TACC1: variants seen among roughly 807,000 people sequenced by gnomAD.
TACC1 encodes the protein transforming acidic coiled-coil-containing protein 1.
In TACC1, 48 loss-of-function variants were observed where a neutral mutation model predicts 84.4. The observed-to-expected ratio is 0.57, with a 90% CI of 0.45 to 0.72. The LOEUF (loss-of-function observed/expected upper bound fraction) is 0.72, where lower values mean the gene tolerates loss of function less well. TACC1 is among the 30% of genes least tolerant of loss of function. The pLI is 0.00. For missense variants in TACC1, 920 were observed against 973.0 expected, an observed-to-expected ratio of 0.95 and a Z score of 0.72; for synonymous variants, 372 against 376.3, an observed-to-expected ratio of 0.99 and a Z score of 0.13.
chr8:38,787,328 C>A lies in TACC1; in HGVS notation c.-255C>A. 1 of 1,263,248 alleles carries A rather than the reference C, an allele frequency of 7.9e-7. No homozygotes were observed. The highest frequency in any genetic ancestry group is 1.0e-6 in the Non-Finnish European group (1 of 1,004,272). The allele number at this position is 1,263,248 out of a possible 1,614,324, so 78.3% of individuals were successfully genotyped here. On this transcript the variant is annotated 5_prime_UTR_variant, in exon 1 of 13. Transcript: ENST00000317827. Reference sequence around the variant, plus strand: ...GGAGGCCACAGGACGGGCGTCTTCCCGGCTAGTGGAGCCCGGCGCGGGGCC... The same window carrying A: ...GGAGGCCACAGGACGGGCGTCTTCCAGGCTAGTGGAGCCCGGCGCGGGGCC...
intron 3 of TACC1, among the ~76,000 whole-genome samples, chr8:38,779,607 C>T (rs570263470): frequency 6.6e-6 from 1 of 152,190 alleles, no homozygotes; most frequent in Non-Finnish European, 1.5e-5. Context: ...CTTTCAGATT[C>T]GAAAATCAAT....
At position 38,852,069 on chromosome 8, in the gene TACC1, C is replaced by T. The variant is rs143414897; in HGVS notation, c.*4046C>T. 113 of 409,870 alleles carry T rather than the reference C, an allele frequency of 2.8e-4. 1 individual carries two copies. Among genetic ancestry groups the T allele is most frequent in the African/African-American group, 2.0e-3 (95 of 48,674 alleles). The allele number at this position is 409,870 out of a possible 1,614,324, so 25.4% of individuals were successfully genotyped here. On this transcript the variant is annotated 3_prime_UTR_variant, in exon 13 of 13. Coordinates refer to ENST00000317827, the MANE Select transcript of TACC1 (RefSeq NM_006283.3). ...GATCTCCTCTGGAAGAGACTATCAG[C>T]GGCAGCATTCTCCAGGGAAGACCCA...
chr8:38,766,748 C>T (rs1812328568), intron 3 of TACC1, among the ~76,000 whole-genome samples: 1 of 152,150 alleles, frequency 6.6e-6, no homozygotes, highest in African/African-American at 2.4e-5. Context: ...CTGCATTTTA[C>T]AGATGAAGAA....
intron 2 of TACC1, among the ~76,000 whole-genome samples, chr8:38,744,642 A>G (rs891809181): frequency 6.6e-6 from 1 of 152,130 alleles, no homozygotes; most frequent in Admixed American, 6.6e-5. Context: ...ACTTATTCCA[A>G]CCACATGATG....
intron 6 of TACC1, among the ~76,000 whole-genome samples, chr8:38,835,881 G>T (rs1478304918): frequency 6.6e-6 from 1 of 152,168 alleles, no homozygotes; most frequent in Non-Finnish European, 1.5e-5. Flanking sequence ...TTTGGTGACT[G>T]ACCGCTATTA....
intron 1 of TACC1, chr8:38,742,215 G>A (rs1335208119): frequency 7.0e-6 from 3 of 427,392 alleles, no homozygotes; most frequent in Admixed American, 4.1e-5. Flanking sequence ...GTTAGAAAAC[G>A]GTGACACACA....
intron 3 of TACC1, among the ~76,000 whole-genome samples, chr8:38,777,270 A>AG (rs56381619): frequency 0.19 from 29,225 of 150,284 alleles, 3,400 homozygotes; most frequent in Non-Finnish European, 0.27. Context: ...AAAAAAAAAA[A>AG]AGAGAAGATA....
At chr8:38,783,076 ATCTATCTATC>A (rs1816365051), upstream of TACC1, among the ~76,000 whole-genome samples, 16 of 96,068 alleles carry the variant, frequency 1.7e-4, no homozygotes, top group African/African-American at 6.2e-4. Context: ...ATATCTATCT[ATCTATCTATC>A]TATCTATCTA....
intron 3 of TACC1, among the ~76,000 whole-genome samples, chr8:38,747,149 G>A (rs1336905792): frequency 1.3e-5 from 2 of 152,132 alleles, no homozygotes; most frequent in African/African-American, 4.8e-5. Flanking sequence ...AAACAACAAT[G>A]AGATACCACT....
intron 11 of TACC1, 44 bp downstream of exon 11, chr8:38,843,439 G>T: frequency 1.4e-6 from 2 of 1,448,564 alleles, no homozygotes; most frequent in Non-Finnish European, 1.9e-6. Flanking sequence ...ATGATGTTGT[G>T]GGAAGATTGA....
intron 3 of TACC1, among the ~76,000 whole-genome samples, chr8:38,774,168 G>A (rs752888863): frequency 6.6e-6 from 1 of 152,146 alleles, no homozygotes; most frequent in African/African-American, 2.4e-5. Context: ...GCCTATCCCT[G>A]AGGCTTCAGT....
In TACC1 at chr8:38,820,314, G is replaced by A. The variant is rs1288179220; in HGVS notation, c.1070G>A (p.Gly357Asp). ...CTGACTCCCAAGATACAAAAAGATGGCATCAGTAAGTCAGCAGGTTTAGAA... is the reference window on the plus strand; with the variant it reads ...CTGACTCCCAAGATACAAAAAGATGACATCAGTAAGTCAGCAGGTTTAGAA... ...STLTPKIQKD[G>D]ISKSAGLEQP... is the part of the protein sequence containing the mutation. The change falls in exon 3 of 13, where the codon GGC (glycine) becomes GAC (aspartate). Residue 357 changes from glycine (G) to aspartate (D), a missense_variant. By Grantham distance (94) the Gly-to-Asp change is moderately conservative. This residue lies in a region of TACC1 where 762 missense variants were observed against 747.3 expected (regional missense o/e 1.02). Coordinates refer to ENST00000317827, the MANE Select transcript of TACC1 (RefSeq NM_006283.3). 2.1e-5 allele frequency: 34 copies of A among 1,614,044 alleles called. No homozygotes were observed. The highest frequency in any genetic ancestry group is 2.5e-5 in the Non-Finnish European group (29 of 1,180,040).
At chr8:38,841,606 C>T (rs1292506547) in intron 9 of TACC1, among the ~76,000 whole-genome samples, 1 of 152,098 alleles carries the variant, frequency 6.6e-6, no homozygotes, top group African/African-American at 2.4e-5. Context: ...GAGGTATGGA[C>T]TTGGTGAATA....
intron 2 of TACC1, among the ~76,000 whole-genome samples, chr8:38,812,157 A>C (rs1824330386): frequency 6.6e-6 from 1 of 152,216 alleles, no homozygotes; most frequent in African/African-American, 2.4e-5. Flanking sequence ...ATGTTTATCA[A>C]GACAATATGT....
At chr8:38,812,293 C>G (rs1241140957) in intron 2 of TACC1, among the ~76,000 whole-genome samples, 1 of 152,100 alleles carries the variant, frequency 6.6e-6, no homozygotes, top group Non-Finnish European at 1.5e-5. Context: ...GACCTACTCC[C>G]TGTTCGTACA....
At chr8:38,845,760 T>C (rs117945402) in intron 11 of TACC1, among the ~76,000 whole-genome samples, 8,145 of 152,314 alleles carry the variant, frequency 0.053, 281 homozygotes, top group Non-Finnish European at 0.08. Context: ...TAAATTGCCC[T>C]GGTGACTACC....
chr8:38,757,912 A>G (rs937427225), intron 3 of TACC1, among the ~76,000 whole-genome samples: 2 of 152,144 alleles, frequency 1.3e-5, no homozygotes, highest in Non-Finnish European at 2.9e-5. Flanking sequence ...CTCAGAAAAA[A>G]AGGGCAGTAT....
chr8:38,793,540 T>C (rs946857156), intron 2 of TACC1, among the ~76,000 whole-genome samples: 6 of 152,158 alleles, frequency 3.9e-5, no homozygotes, highest in Non-Finnish European at 8.8e-5. Context: ...TTGTGAATTA[T>C]ATCTCAATAA....
At chr8:38,752,339 C>T (rs1034393068) in intron 3 of TACC1, among the ~76,000 whole-genome samples, 8 of 152,096 alleles carry the variant, frequency 5.3e-5, no homozygotes, top group East Asian at 1.9e-4. Flanking sequence ...GATGTGGTGG[C>T]GTGTGCCTGT....
Sources: gnomAD v4.1 joint callset for allele counts (sites outside exome capture counted in the v4.1 genomes callset) on GRCh38, gnomAD v4.1.1 for gene constraint, gnomAD v4.1.1 regional missense constraint, MANE v1.5 for transcripts, NCBI Gene and HGNC (gene_info 2026-07-23, HGNC 2026-07-21) for gene names.